Variants in USP22 observed in about 807,000 individuals in gnomAD.
USP22 encodes the protein ubiquitin carboxyl-terminal hydrolase 22.
A neutral mutation model predicts 68.1 loss-of-function variants in USP22; 22 were observed. The observed-to-expected ratio is 0.32, with a 90% CI of 0.23 to 0.46. The LOEUF (loss-of-function observed/expected upper bound fraction) is 0.46, where lower values mean the gene tolerates loss of function less well. USP22 is among the 20% of genes least tolerant of loss of function. The pLI, the probability that USP22 is intolerant of heterozygous loss-of-function variation, is 1.00. For synonymous variants in USP22, 279 were observed against 274.2 expected, an observed-to-expected ratio of 1.02 and a Z score of -0.17; for missense variants, 433 against 695.8, an observed-to-expected ratio of 0.62 and a Z score of 4.25.
intron 1 of USP22, among the ~76,000 whole-genome samples, chr17:21,038,856 C>G (rs1267094127): frequency 1.3e-5 from 2 of 152,286 alleles, no homozygotes; most frequent in East Asian, 3.9e-4. Context: ...TCTTTACAGA[C>G]AAACCCTGAA....
At chr17:21,039,107 A>G (rs898242517) in intron 1 of USP22, among the ~76,000 whole-genome samples, 6 of 151,730 alleles carry the variant, frequency 4.0e-5, no homozygotes, top group African/African-American at 1.2e-4. Context: ...GCGTGCCACC[A>G]TGCCCAGCTA....
At chr17:21,013,029 C>A in intron 6 of USP22, 94 bp from the exon 7 acceptor site, 1 of 1,166,712 alleles carries the variant, frequency 8.6e-7, no homozygotes, top group Non-Finnish European at 1.3e-6. Flanking sequence ...CCTGGGGGAG[C>A]CAGGGCCAAC....
chr17:21,019,302 T>A (rs1179267466), intron 3 of USP22, 117 bp from the exon 4 acceptor site: 1 of 947,622 alleles, frequency 1.1e-6, no homozygotes, highest in Non-Finnish European at 1.7e-6. Flanking sequence ...GTGAGCAACA[T>A]CCACAGCACC....
rs1294359664 is a variant in USP22, at chr17:21,003,900, C to G, written c.1535+302G>C. 6.1e-5 allele frequency among the ~76,000 whole-genome samples: 7 copies of G among 113,900 alleles called. No individual in the cohort carries two copies. The South Asian group carries it at 1.9e-3, about 31-fold the overall frequency. The allele number at this position is 113,900 out of a possible 152,430, so 74.7% of individuals were successfully genotyped here. ...GGGCAACAAGAGCGAAACTCCGTCT[C>G]AAAAAAAAAAAAAAAAAAAAAAAGA... is the stretch of plus-strand genomic sequence containing the variant. On this transcript the variant is annotated intron_variant, in intron 12 of 12. Coordinates refer to ENST00000261497, the MANE Select transcript of USP22 (RefSeq NM_015276.2).
chr17:21,006,226 C>T (rs1913774039), intron 10 of USP22, among the ~76,000 whole-genome samples: 1 of 152,182 alleles, frequency 6.6e-6, no homozygotes, highest in South Asian at 2.1e-4. Flanking sequence ...ATTCCAAGTA[C>T]CCCAGAATAG....
intron 10 of USP22, chr17:21,005,256 TAATGGGAGC>T (rs936881098): frequency 3.6e-5 from 16 of 449,570 alleles, no homozygotes; most frequent in African/African-American, 3.2e-4. Flanking sequence ...ATAGGGCTGG[TAATGGGAGC>T]TGGATCTGGA....
chr17:21,003,760 C>T (rs767149590), intron 12 of USP22, among the ~76,000 whole-genome samples: 1 of 151,496 alleles, frequency 6.6e-6, no homozygotes, highest in African/African-American at 2.4e-5. Flanking sequence ...AGTAGGCAGG[C>T]GTGATGGTGC....
intron 11 of USP22, 95 bp downstream of exon 11, chr17:21,004,833 G>A (rs968490205): frequency 4.6e-5 from 65 of 1,420,556 alleles, no homozygotes; most frequent in Non-Finnish European, 5.2e-5. Flanking sequence ...GGTCAGTGGC[G>A]GGGGATCCGC....
At chr17:21,008,332 TACTC>T in intron 8 of USP22, among the ~76,000 whole-genome samples, 2 of 152,300 alleles carry the variant, frequency 1.3e-5, no homozygotes, top group African/African-American at 2.4e-5. Context: ...ACCAGAATGT[TACTC>T]ACGAGAGTCA....
intron 2 of USP22, among the ~76,000 whole-genome samples, chr17:21,024,821 A>AC (rs1972200805): frequency 6.6e-6 from 1 of 152,134 alleles, no homozygotes; most frequent in Non-Finnish European, 1.5e-5. Flanking sequence ...ACAAAAAATC[A>AC]GCCAAGCGTG....
Position 21,028,617 on chromosome 17 carries a change from G to A in USP22, c.229C>T (p.Leu77Phe). 1 of 1,614,042 alleles carries A rather than the reference G, an allele frequency of 6.2e-7. No homozygotes were observed. The highest frequency in any genetic ancestry group is 8.5e-7 in the Non-Finnish European group (1 of 1,180,008). ...GVHLNRLHSC[L>F]YCVFFGCFTK... ...AAACAGCCGAAGAAGACACAGTAGA[G>A]GCAGGAATGCAGCCTGTTGAGGTGG... The change falls in exon 2 of 13, where the codon CTC (leucine) becomes TTC (phenylalanine). Residue 77 changes from leucine (L) to phenylalanine (F), a missense_variant. Physicochemically the swap from Leu to Phe is conservative, Grantham distance 22 (BLOSUM62 0). Around this residue, in one of 4 missense-constraint regions of USP22, gnomAD observed 144 missense variants for 237.2 expected, o/e 0.61. Transcript: ENST00000261497.
intron 1 of USP22, among the ~76,000 whole-genome samples, chr17:21,040,143 C>G (rs1394154936): frequency 1.3e-5 from 2 of 152,116 alleles, no homozygotes; most frequent in African/African-American, 4.8e-5. Context: ...CCATTGCACT[C>G]CATCCTGGGT....
At chr17:21,014,064 C>G (rs753949939) in intron 6 of USP22, among the ~76,000 whole-genome samples, 3 of 152,210 alleles carry the variant, frequency 2.0e-5, no homozygotes, top group African/African-American at 2.4e-5. Context: ...CAGAGCGAGA[C>G]TCTGACTCAA....
chr17:21,025,694 C>T (rs1972211107), intron 2 of USP22, among the ~76,000 whole-genome samples: 1 of 152,158 alleles, frequency 6.6e-6, no homozygotes, highest in Non-Finnish European at 1.5e-5. Flanking sequence ...ATCCATAATA[C>T]AACTCAGATG....
intron 1 of USP22, among the ~76,000 whole-genome samples, chr17:21,038,173 T>C (rs1279025284): frequency 6.6e-6 from 1 of 151,908 alleles, no homozygotes; most frequent in Non-Finnish European, 1.5e-5. Context: ...CCGAAGTGAA[T>C]CTCCTAAGGC....
Position 21,042,906 on chromosome 17 carries a change from G to A in USP22, c.-71C>T. 9.3e-7 allele frequency: 1 copy of A among 1,077,518 alleles called. No homozygotes were observed. 66.7% of individuals were successfully genotyped at this position (1,077,518 alleles called of 1,614,324 possible). On this transcript the variant is annotated 5_prime_UTR_variant, in exon 1 of 13. Transcript: ENST00000261497. ...CGAGGACGACGCCAGCGCGGCGTGG[G>A]GGCTGCTCGGCGGCTGGCCAGGCTG...
chr17:21,018,162 G>C (rs201175226), intron 4 of USP22, 51 bp from the exon 5 acceptor site: 2 of 1,497,928 alleles, frequency 1.3e-6, no homozygotes, highest in South Asian at 1.4e-5. Flanking sequence ...TGAACCACAG[G>C]TGTCGCTGGA....
At chr17:21,043,401 C>T (rs894914284), upstream of USP22, 1 of 359,740 alleles carries the variant, frequency 2.8e-6, no homozygotes, top group Non-Finnish European at 5.0e-6. Flanking sequence ...TAGACGTTCC[C>T]TGTCTCTTCC....
Position 21,017,923 on chromosome 17 carries a change from A to G in USP22, c.690+19T>C, listed in dbSNP as rs749195340. ...CAAAGTAACAGAAATGTTCCCCTGC[A>G]GAAGTCAATGGCGCTCACCTCCTGA... is the stretch of plus-strand genomic sequence containing the variant. On this transcript the variant is annotated intron_variant, in intron 5 of 12. Coordinates refer to ENST00000261497, the MANE Select transcript of USP22 (RefSeq NM_015276.2). The G allele has an allele frequency of 3.7e-6, 6 of 1,611,628 alleles. No homozygotes were observed. The highest frequency in any genetic ancestry group is 2.2e-5 in the South Asian group (2 of 90,416).
Sources: allele counts gnomAD v4.1 joint callset (sites outside exome capture counted in the v4.1 genomes callset), GRCh38; gene constraint gnomAD v4.1.1; regional missense constraint gnomAD v4.1.1; transcripts MANE v1.5; gene names NCBI Gene and HGNC (gene_info 2026-07-23, HGNC 2026-07-21).